The following MUC4 variants were observed in gnomAD, a reference collection of about 807,000 sequenced individuals.
MUC4 encodes mucin-4.
MUC4 carries 202 observed loss-of-function variants against 257.9 expected under a neutral mutation model. That is an observed-to-expected ratio of 0.78 (90% CI 0.70 to 0.88). The LOEUF is 0.88. Among genes scored for constraint, MUC4 ranks in the 40% least tolerant of loss-of-function variants. MUC4 has a pLI of 0.00. For missense variants in MUC4, 5,976 were observed against 6,513.7 expected, an observed-to-expected ratio of 0.92 and a Z score of 2.84; for synonymous variants, 2,351 against 2,757.1, an observed-to-expected ratio of 0.85 and a Z score of 4.62.
chr3:195,762,791 C>T (rs1197366594), intron 13 of MUC4, 64 bp downstream of exon 13: 1 of 1,423,580 alleles, frequency 7.0e-7, no homozygotes, highest in East Asian at 2.5e-5. Context: ...CACCGCAACG[C>T]GGCTTCCCGC....
At position 195,782,110 on chromosome 3, in the gene MUC4, T is replaced by G; in HGVS notation, c.9470A>C (p.Asp3157Ala). The G allele has an allele frequency of 2.9e-6, 4 of 1,364,888 alleles. No individual in the cohort carries two copies. Among genetic ancestry groups the G allele is most frequent in the Non-Finnish European group, 3.9e-6 (4 of 1,038,570 alleles). 84.5% of individuals were successfully genotyped at this position (1,364,888 alleles called of 1,614,324 possible). Residue 3157 changes from aspartate (D) to alanine (A), a missense_variant, in exon 2 of 25, where the codon GAC (aspartate) becomes GCC (alanine). Coordinates refer to ENST00000463781, the MANE Select transcript of MUC4 (RefSeq NM_018406.7). ...TGDTTPLPVT[D>A]TSSASTGQAT... ...CTGACCTGTGGATGCTGAGGAAGTGTCGGTGACAGGAAGAGGGGTGGTGTC... is the reference window on the plus strand; with the variant it reads ...CTGACCTGTGGATGCTGAGGAAGTGGCGGTGACAGGAAGAGGGGTGGTGTC...
chr3:195,778,700 C>T lies in MUC4; in HGVS notation c.12790+90G>A, dbSNP rs114103729. ...CCTGACACGGCCCCACCAGGTAATG[C>T]GAATGCACCAGTGTTCTCAGGTACT... On this transcript the variant is annotated intron_variant, in intron 2 of 24. Transcript: ENST00000463781. 6.3e-4 allele frequency: 896 copies of T among 1,411,326 alleles called. 1 individual carries two copies. Among genetic ancestry groups the T allele is most frequent in the Non-Finnish European group, 8.0e-4 (833 of 1,042,022 alleles). 87.4% of individuals were successfully genotyped at this position (1,411,326 alleles called of 1,614,324 possible).
At position 195,789,498 on chromosome 3, in the gene MUC4, G is replaced by T; in HGVS notation, c.2082C>A (p.Thr694=). ...CATCCCCGGTGGGAGCTGGGGCAAA[G>T]GTTGTTGCTGCACTTATGGTGGGTG... ...QDAPTISAAT[T]FAPAPTGDGH... The change falls in exon 2 of 25, where the codon ACC becomes ACA. Residue 694 remains threonine, a synonymous_variant. Transcript: ENST00000463781. The T allele has an allele frequency of 6.2e-7, 1 of 1,613,916 alleles. No homozygotes were observed. The highest frequency in any genetic ancestry group is 8.5e-7 in the Non-Finnish European group (1 of 1,179,860).
At chr3:195,793,353 A>C (rs1734113068) in intron 1 of MUC4, among the ~76,000 whole-genome samples, 1 of 151,664 alleles carries the variant, frequency 6.6e-6, no homozygotes, top group Non-Finnish European at 1.5e-5. Context: ...AAATACAGAA[A>C]TAGCTGGGCG....
At chr3:195,768,844 C>A (rs1340469877) in intron 7 of MUC4, among the ~76,000 whole-genome samples, 178 bp downstream of exon 7, 4 of 152,186 alleles carry the variant, frequency 2.6e-5, no homozygotes, top group Admixed American at 2.6e-4. Context: ...AATGGGTGAT[C>A]TTGTCGTGGG....
Position 195,746,813 on chromosome 3 carries a change from T to C in MUC4, c.*363A>G. The C allele has an allele frequency of 6.1e-6, 2 of 326,294 alleles. No homozygotes were observed. The highest frequency in any genetic ancestry group is 1.5e-4 in the South Asian group (2 of 12,910). The allele number at this position is 326,294 out of a possible 1,614,324, so 20.2% of individuals were successfully genotyped here. ...GAGACTTTATTTAAATAGAGTTAAT[T>C]TGAAGTAAACCAGAGAGTTTTGTGT... On this transcript the variant is annotated 3_prime_UTR_variant, in exon 25 of 25. Coordinates refer to ENST00000463781, the MANE Select transcript of MUC4 (RefSeq NM_018406.7).
In MUC4 at chr3:195,790,682, A is replaced by C. The variant is rs882605; in HGVS notation, c.898T>G (p.Phe300Val). The C allele has an allele frequency of 0.81, 1,301,561 of 1,613,774 alleles. 527,426 individuals are homozygous for C. Among genetic ancestry groups the C allele is most frequent in the Non-Finnish European group, 0.82 (971,392 of 1,179,828 alleles). ...GCTGGTGATTGTCCTTCTGGATCAA[A>C]TGTTACTAAGGCTGCTGAGGTGACT... Reference protein sequence around the residue: ...MPVTSAALVTFDPEGQSPATF... With the variant: ...MPVTSAALVTVDPEGQSPATF... Residue 300 changes from phenylalanine (F) to valine (V), a missense_variant, in exon 2 of 25, where the codon TTT (phenylalanine) becomes GTT (valine). By Grantham distance (50) the Phe-to-Val change is conservative (BLOSUM62 -1). This residue lies in a region of MUC4 where 1,583 missense variants were observed against 1,257.4 expected (regional missense o/e 1.26). Coordinates refer to ENST00000463781, the MANE Select transcript of MUC4 (RefSeq NM_018406.7).
intron 1 of MUC4, among the ~76,000 whole-genome samples, chr3:195,808,904 C>T (rs1296736153): frequency 6.6e-6 from 1 of 152,124 alleles, no homozygotes; most frequent in South Asian, 2.1e-4. Flanking sequence ...GGGGGTTCTC[C>T]GAGGAGGGGC....
chr3:195,767,695 CCA>C (rs367795453), intron 7 of MUC4, among the ~76,000 whole-genome samples: 1,095 of 2,766 alleles, frequency 0.4, 173 homozygotes, highest in Middle Eastern at 0.75. Context: ...TGGCCACCCC[CCA>C]AAAAATACCA....
chr3:195,763,310 G>A lies in MUC4; in HGVS notation c.14253+123C>T, dbSNP rs1054374515. 125 of 1,007,290 alleles carry A rather than the reference G, an allele frequency of 1.2e-4. 1 individual carries two copies. In the African/African-American group the frequency reaches 1.9e-3, roughly 16 times the overall value. 62.4% of individuals were successfully genotyped at this position (1,007,290 alleles called of 1,614,324 possible). ...TCCGGGACAGCTGCGTGGATGGGCTGTGTCCTCCCTCCCTCCTGCCCGGCT... is the reference window on the plus strand; with the variant it reads ...TCCGGGACAGCTGCGTGGATGGGCTATGTCCTCCCTCCCTCCTGCCCGGCT... On this transcript the variant is annotated intron_variant, in intron 12 of 24. Coordinates refer to ENST00000463781, the MANE Select transcript of MUC4 (RefSeq NM_018406.7).
chr3:195,785,716 A>G lies in MUC4; in HGVS notation c.5864T>C (p.Val1955Ala). The G allele has an allele frequency of 7.2e-7, 1 of 1,392,792 alleles. No individual in the cohort carries two copies. The highest frequency in any genetic ancestry group is 9.7e-7 in the Non-Finnish European group (1 of 1,035,574). The allele number at this position is 1,392,792 out of a possible 1,614,324, so 86.3% of individuals were successfully genotyped here. A position where few individuals can be genotyped will look rare whatever the true frequency, so the allele number is the denominator to read the frequency against. ...ASSGHTTPLPVTDASSVPTGH... is the reference protein window; with the variant it reads ...ASSGHTTPLPATDASSVPTGH... ...TGTGGGTACTGAGGAAGCGTCGGTG[A>G]CAGGAAGAGGGGTGGTGTGACCTGA... Residue 1955 changes from valine (V) to alanine (A), a missense_variant, in exon 2 of 25, where the codon GTC becomes GCC. Physicochemically the swap from Val to Ala is moderately conservative, Grantham distance 64. This residue lies in a region of MUC4 where 87 missense variants were observed against 104.6 expected (regional missense o/e 0.83). Transcript: ENST00000463781.
In MUC4 at chr3:195,783,909, G is replaced by C. The variant is rs77303944; in HGVS notation, c.7671C>G (p.His2557Gln). The change falls in exon 2 of 25, where the codon CAC becomes CAG. Residue 2557 changes from histidine (H) to glutamine (Q), a missense_variant. By Grantham distance (24) the His-to-Gln change is conservative. Around this residue, in one of 44 missense-constraint regions of MUC4, gnomAD observed 135 missense variants for 114.7 expected, o/e 1.18. Coordinates refer to ENST00000463781, the MANE Select transcript of MUC4 (RefSeq NM_018406.7). Reference protein sequence around the residue: ...VTSPSSASTGHATSLPVTDTS... With the variant: ...VTSPSSASTGQATSLPVTDTS... ...TGTCGGTGACAGGAAGAGAGGTGGC[G>C]TGACCTGTGGATGCTGAGGAAGGGC... The C allele has an allele frequency of 4.2e-5, 58 of 1,379,316 alleles. No homozygotes were observed. Among genetic ancestry groups the C allele is most frequent in the Middle Eastern group, 5.1e-4 (2 of 3,956 alleles). The allele number at this position is 1,379,316 out of a possible 1,614,324, so 85.4% of individuals were successfully genotyped here.
Position 195,788,765 on chromosome 3 carries a change from G to C in MUC4, c.2815C>G (p.Pro939Ala). The part of the protein sequence containing the change: ...TDTFSTVPPT[P>A]PSITSTGLTS... Reference sequence around the variant, plus strand: ...AGCCCAGTGGATGTGATCGATGGAGGTGTGGGTGGGACTGTTGAGAAGGTG... The same window carrying C: ...AGCCCAGTGGATGTGATCGATGGAGCTGTGGGTGGGACTGTTGAGAAGGTG... The change falls in exon 2 of 25, where the codon CCT (proline) becomes GCT (alanine). Residue 939 changes from proline (P) to alanine (A), a missense_variant. Transcript: ENST00000463781. 1 of 1,613,896 alleles carries C rather than the reference G, an allele frequency of 6.2e-7. No individual in the cohort carries two copies. The highest frequency in any genetic ancestry group is 8.5e-7 in the Non-Finnish European group (1 of 1,179,842).
rs1157938348 is a variant in MUC4 at position 195,781,617 on chromosome 3, T to C, written c.9963A>G (p.Ala3321=). The C allele has an allele frequency of 1.1e-5, 6 of 525,990 alleles. 1 individual carries two copies. The highest frequency in any genetic ancestry group is 6.7e-5 in the African/African-American group (3 of 44,448). 32.6% of individuals were successfully genotyped at this position (525,990 alleles called of 1,614,324 possible). ...TPLLVTDASS[A]STGHATPLHV... The stretch of plus-strand genomic sequence containing the variant: ...GAAGAGGGGTGGCGTGACCTGTGGA[T>C]GCTGAGGAAGCGTCGGTGACAAGAA... Residue 3321 remains alanine, a synonymous_variant, in exon 2 of 25, where the codon GCA becomes GCG. Coordinates refer to ENST00000463781, the MANE Select transcript of MUC4 (RefSeq NM_018406.7).
Position 195,754,388 on chromosome 3 carries a change from C to G in MUC4, c.15169-16G>C. The G allele has an allele frequency of 1.9e-6, 3 of 1,593,804 alleles. No homozygotes were observed. The highest frequency in any genetic ancestry group is 2.6e-6 in the Non-Finnish European group (3 of 1,168,312). ...AGCCAGCCACCTGGAGGAGGGTTGC[C>G]GATCACGGGCGGCCAGGAGACCAAA... On this transcript the variant is annotated splice_polypyrimidine_tract_variant and intron_variant, in intron 18 of 24. Transcript: ENST00000463781.
rs771981097 is a variant in MUC4, at chr3:195,763,481, G to T, written c.14205C>A (p.Phe4735Leu). 6 of 1,510,276 alleles carry T rather than the reference G, an allele frequency of 4.0e-6. No homozygotes were observed. Among genetic ancestry groups the T allele is most frequent in the East Asian group, 2.5e-5 (1 of 40,178 alleles). 93.6% of individuals were successfully genotyped at this position (1,510,276 alleles called of 1,614,324 possible). A position where few individuals can be genotyped will look rare whatever the true frequency, so the allele number is the denominator to read the frequency against. ...AGCGGTACTGAGCCGCAAAGGCGATGAAGTTGGTGGCCTGGGCTGAGCCAG... is the reference window on the plus strand; with the variant it reads ...AGCGGTACTGAGCCGCAAAGGCGATTAAGTTGGTGGCCTGGGCTGAGCCAG... ...AQTGSAQATN[F>L]IAFAAQYRSS... is the part of the protein sequence containing the mutation. The change falls in exon 12 of 25, where the codon TTC (phenylalanine) becomes TTA (leucine). Residue 4735 changes from phenylalanine (F) to leucine (L), a missense_variant. By Grantham distance (22) the Phe-to-Leu change is conservative. Around this residue, in one of 44 missense-constraint regions of MUC4, gnomAD observed 996 missense variants for 1,137.3 expected, o/e 0.88. Transcript: ENST00000463781.
intron 17 of MUC4, among the ~76,000 whole-genome samples, chr3:195,758,178 C>T (rs970170301): frequency 6.6e-6 from 1 of 152,190 alleles, no homozygotes; most frequent in African/African-American, 2.4e-5. Context: ...TGCCCTTGGA[C>T]CCTTTGAATT....
intron 1 of MUC4, among the ~76,000 whole-genome samples, chr3:195,800,650 T>C (rs1242074108): frequency 1.3e-5 from 2 of 152,152 alleles, no homozygotes; most frequent in African/African-American, 2.4e-5. Context: ...TAAGCTTGAG[T>C]AGGTTATTTG....
chr3:195,759,246 G>T lies in MUC4; in HGVS notation c.14864C>A (p.Ser4955Tyr). ...ANATLNQYPP[S>Y]INGGRVIEAY... ...TTCAATCACACGACCACCATTGATG[G>T]AGGGCGGGTACTGATCTGAAACACA... Residue 4955 changes from serine (S) to tyrosine (Y), a missense_variant, in exon 17 of 25, where the codon TCC becomes TAC. By Grantham distance (144) the Ser-to-Tyr change is moderately radical. Coordinates refer to ENST00000463781, the MANE Select transcript of MUC4 (RefSeq NM_018406.7). 1 of 1,614,060 alleles carries T rather than the reference G, an allele frequency of 6.2e-7. No individual in the cohort carries two copies. The highest frequency in any genetic ancestry group is 1.7e-4 in the Middle Eastern group (1 of 6,050).
Sources: allele counts gnomAD v4.1 joint callset (sites outside exome capture counted in the v4.1 genomes callset), GRCh38; gene constraint gnomAD v4.1.1; regional missense constraint gnomAD v4.1.1; transcripts MANE v1.5; gene names NCBI Gene and HGNC (gene_info 2026-07-23, HGNC 2026-07-21).